GRIN2B: variants seen among roughly 807,000 people sequenced by gnomAD.
The protein encoded by GRIN2B is glutamate receptor ionotropic, NMDA 2B.
In GRIN2B, 5 loss-of-function variants were observed where a neutral mutation model predicts 114.5. The ratio of observed to expected loss-of-function variants is 0.04; its 90% CI spans 0.02 to 0.09. GRIN2B has a LOEUF of 0.09. Among genes scored for constraint, GRIN2B ranks in the 10% least tolerant of loss-of-function variants. GRIN2B has a pLI of 1.00. For missense variants in GRIN2B, 1,108 were observed against 1,943.5 expected, an observed-to-expected ratio of 0.57 and a Z score of 8.08; for synonymous variants, 787 against 745.1, an observed-to-expected ratio of 1.06 and a Z score of -0.92.
At chr12:13,575,511 T>A (rs905344483) in intron 10 of GRIN2B, among the ~76,000 whole-genome samples, 1 of 151,872 alleles carries the variant, frequency 6.6e-6, no homozygotes, top group African/African-American at 2.4e-5. Flanking sequence ...ATATAAAAAT[T>A]AGCCGTGCGT....
chr12:13,713,854 C>A (rs1279357599), intron 4 of GRIN2B, among the ~76,000 whole-genome samples: 1 of 151,786 alleles, frequency 6.6e-6, no homozygotes, highest in Admixed American at 6.6e-5. Context: ...GTCTGCCTGG[C>A]TGGAGAACAA....
chr12:13,660,552 A>G (rs907355464), intron 5 of GRIN2B, among the ~76,000 whole-genome samples: 1 of 152,204 alleles, frequency 6.6e-6, no homozygotes, highest in African/African-American at 2.4e-5. Context: ...CTGCTTTCAC[A>G]TGAAAAGCAG....
intron 2 of GRIN2B, among the ~76,000 whole-genome samples, chr12:13,941,483 G>A (rs1867251964): frequency 6.6e-6 from 1 of 152,168 alleles, no homozygotes; most frequent in Non-Finnish European, 1.5e-5. Flanking sequence ...GTGAGGAACG[G>A]GATTGGGTGT....
chr12:13,660,928 T>A (rs1318565132), intron 5 of GRIN2B, among the ~76,000 whole-genome samples: 1 of 152,192 alleles, frequency 6.6e-6, no homozygotes, highest in Non-Finnish European at 1.5e-5. Flanking sequence ...TTAATCAGTA[T>A]AGCATGACTT....
At chr12:13,835,130 C>G (rs1280977056) in intron 3 of GRIN2B, among the ~76,000 whole-genome samples, 1 of 152,186 alleles carries the variant, frequency 6.6e-6, no homozygotes, top group East Asian at 1.9e-4. Flanking sequence ...TCAACTGGCT[C>G]AAAGAGCTAT....
chr12:13,595,819 G>C (rs182073569), intron 10 of GRIN2B, among the ~76,000 whole-genome samples: 61 of 152,312 alleles, frequency 4.0e-4, no homozygotes, highest in Non-Finnish European at 6.3e-4. Flanking sequence ...CAGAGAGAAA[G>C]GGATTTATAG....
At chr12:13,876,756 C>CT (rs1335707241) in intron 2 of GRIN2B, among the ~76,000 whole-genome samples, 5 of 152,314 alleles carry the variant, frequency 3.3e-5, no homozygotes, top group African/African-American at 1.2e-4. Flanking sequence ...ACACTCACTG[C>CT]TTTTGCTAGT....
intron 3 of GRIN2B, among the ~76,000 whole-genome samples, chr12:13,819,927 A>G (rs903284515): frequency 2.6e-5 from 4 of 151,930 alleles, no homozygotes; most frequent in African/African-American, 7.3e-5. Context: ...CCAATAAACA[A>G]CCTAAACTTC....
intron 3 of GRIN2B, among the ~76,000 whole-genome samples, chr12:13,842,428 G>A (rs376606813): frequency 2.0e-5 from 3 of 151,978 alleles, no homozygotes; most frequent in African/African-American, 4.8e-5. Context: ...TTTCATGATC[G>A]TCCCCCAGAT....
At chr12:13,779,342 C>G (rs1864064490) in intron 3 of GRIN2B, among the ~76,000 whole-genome samples, 1 of 152,184 alleles carries the variant, frequency 6.6e-6, no homozygotes, top group African/African-American at 2.4e-5. Flanking sequence ...CTGTGCCTGG[C>G]CTGGTCCTCT....
At chr12:13,843,752 C>T (rs147520036) in intron 3 of GRIN2B, among the ~76,000 whole-genome samples, 17 of 152,190 alleles carry the variant, frequency 1.1e-4, no homozygotes, top group Middle Eastern at 3.4e-3. Flanking sequence ...TATCAAGATC[C>T]CATCATTTGT....
At chr12:13,917,880 T>G (rs371879879) in intron 2 of GRIN2B, among the ~76,000 whole-genome samples, 18 of 152,256 alleles carry the variant, frequency 1.2e-4, no homozygotes, top group African/African-American at 4.1e-4. Context: ...AATATCAGAT[T>G]TTTGGTAGAG....
intron 2 of GRIN2B, among the ~76,000 whole-genome samples, chr12:13,938,620 C>G (rs1867172812): frequency 6.6e-6 from 1 of 152,148 alleles, no homozygotes; most frequent in South Asian, 2.1e-4. Flanking sequence ...GCAAAAAAAG[C>G]TAGATTCAAA....
At chr12:13,798,090 C>T (rs1336754285) in intron 3 of GRIN2B, among the ~76,000 whole-genome samples, 1 of 152,158 alleles carries the variant, frequency 6.6e-6, no homozygotes, top group Non-Finnish European at 1.5e-5. Context: ...GGCCTTTAGG[C>T]CATATTTTGA....
chr12:13,598,951 T>G (rs1263186488), intron 10 of GRIN2B, among the ~76,000 whole-genome samples: 1 of 152,194 alleles, frequency 6.6e-6, no homozygotes, highest in African/African-American at 2.4e-5. Flanking sequence ...GACTTCCTCC[T>G]GGAGTGATGG....
intron 4 of GRIN2B, among the ~76,000 whole-genome samples, chr12:13,682,255 G>A (rs1027040152): frequency 2.0e-5 from 3 of 152,106 alleles, no homozygotes; most frequent in Non-Finnish European, 2.9e-5. Flanking sequence ...AGGATTTGAA[G>A]AAGTTTTAAA....
At chr12:13,843,572 C>T (rs1455272510) in intron 3 of GRIN2B, among the ~76,000 whole-genome samples, 1 of 152,050 alleles carries the variant, frequency 6.6e-6, no homozygotes, top group Non-Finnish European at 1.5e-5. Context: ...AGGTAAGCTA[C>T]TAGAAGATTA....
chr12:13,623,358 A>G (rs974938657), intron 5 of GRIN2B, among the ~76,000 whole-genome samples: 2 of 152,202 alleles, frequency 1.3e-5, no homozygotes, highest in Admixed American at 6.5e-5. Context: ...TATGTTTTTA[A>G]ATGTTCTCAA....
At chr12:13,857,790 G>A (rs915521558) in intron 3 of GRIN2B, among the ~76,000 whole-genome samples, 2 of 152,148 alleles carry the variant, frequency 1.3e-5, no homozygotes, top group African/African-American at 4.8e-5. Flanking sequence ...CGTCCACAGA[G>A]TTGCCCATGT....
Sources: gnomAD v4.1 joint callset for allele counts (sites outside exome capture counted in the v4.1 genomes callset) on GRCh38, gnomAD v4.1.1 for gene constraint, MANE v1.5 for transcripts, NCBI Gene and HGNC (gene_info 2026-07-23, HGNC 2026-07-21) for gene names.